CKAP5: variants seen among roughly 807,000 people sequenced by gnomAD.
CKAP5 encodes cytoskeleton associated protein 5, also known as cytoskeleton-associated protein 5.
Under a neutral mutation model 232.8 loss-of-function variants are expected in CKAP5, and 27 were observed. The observed-to-expected ratio is 0.12, with a 90% CI of 0.09 to 0.16. CKAP5 has a LOEUF of 0.16. Ranked by LOEUF, CKAP5 falls within the 10% of genes least tolerant of loss-of-function variation. The pLI is 1.00. For synonymous variants in CKAP5, 785 were observed against 841.1 expected, an observed-to-expected ratio of 0.93 and a Z score of 1.16; for missense variants, 1,838 against 2,424.7, an observed-to-expected ratio of 0.76 and a Z score of 5.08.
At chr11:46,761,256 A>AAG (rs1317119249) in intron 32 of CKAP5, among the ~76,000 whole-genome samples, 12 of 151,594 alleles carry the variant, frequency 7.9e-5, no homozygotes, top group African/African-American at 2.9e-4. Context: ...CTCAAAAAAA[A>AAG]AAAAAAAAAG....
Position 46,816,322 on chromosome 11 carries a change from T to A in CKAP5, c.334A>T (p.Ile112Phe). ...KAKAKELGIE[I>F]CLMYIEIEKG... ...TCAATCTCTATGTACATAAGACAGA[T>A]CTCTATGCCCAGCTCCTTGGCTTTA... The change falls in exon 4 of 44, where the codon ATC (isoleucine) becomes TTC (phenylalanine). Residue 112 changes from isoleucine (I) to phenylalanine (F), a missense_variant. Around this residue, in one of 6 missense-constraint regions of CKAP5, gnomAD observed 285 missense variants for 300.0 expected, o/e 0.95. Transcript: ENST00000529230. The A allele has an allele frequency of 6.2e-7, 1 of 1,614,116 alleles. No individual in the cohort carries two copies. The highest frequency in any genetic ancestry group is 8.5e-7 in the Non-Finnish European group (1 of 1,180,004).
chr11:46,763,625 T>C lies in CKAP5; in HGVS notation c.3543A>G (p.Leu1181=), dbSNP rs1356395563. Residue 1181 remains leucine, a synonymous_variant, in exon 29 of 44, where the codon CTA becomes CTG. Transcript: ENST00000529230. Reference sequence around the variant, plus strand: ...CCCGTGGGGTAGTAAAATTCCACTTTAGCACCTGGAAAAAACAAACGGTGA... The same window carrying C: ...CCCGTGGGGTAGTAAAATTCCACTTCAGCACCTGGAAAAAACAAACGGTGA... The part of the protein sequence containing the change: ...RMKDEKGLKV[L]KWNFTTPRDE... The C allele has an allele frequency of 1.9e-6, 3 of 1,540,862 alleles. No individual in the cohort carries two copies. Among genetic ancestry groups the C allele is most frequent in the African/African-American group, 1.4e-5 (1 of 71,316 alleles).
intron 18 of CKAP5, among the ~76,000 whole-genome samples, chr11:46,782,444 A>C (rs2065352285): frequency 6.6e-6 from 1 of 152,206 alleles, no homozygotes; most frequent in African/African-American, 2.4e-5. Context: ...ATGGGCGAAC[A>C]CCACAGATAA....
chr11:46,761,942 T>G (rs2065158439), intron 32 of CKAP5, 58 bp downstream of exon 32: 2 of 1,420,140 alleles, frequency 1.4e-6, no homozygotes, highest in South Asian at 2.5e-5. Context: ...ACCTAACACC[T>G]AGGAGATCTT....
intron 16 of CKAP5, among the ~76,000 whole-genome samples, chr11:46,785,163 T>C (rs2065379970): frequency 6.6e-6 from 1 of 152,198 alleles, no homozygotes; most frequent in Admixed American, 6.5e-5. Flanking sequence ...TAAAAAGATC[T>C]GTGGAAAATA....
chr11:46,774,427 A>G (rs529453588), intron 24 of CKAP5, among the ~76,000 whole-genome samples: 4 of 152,354 alleles, frequency 2.6e-5, no homozygotes, highest in African/African-American at 9.6e-5. Flanking sequence ...AGTAATTTAT[A>G]GATTCAGTGC....
intron 13 of CKAP5, 57 bp from the exon 14 acceptor site, chr11:46,790,640 TTTTTTA>T: frequency 1.7e-6 from 2 of 1,209,004 alleles, no homozygotes; most frequent in East Asian, 2.5e-5. Context: ...AATAGTGGAG[TTTTTTA>T]TTTTTATTTT....
intron 12 of CKAP5, among the ~76,000 whole-genome samples, 193 bp downstream of exon 12, chr11:46,796,619 C>T (rs1938882721): frequency 6.6e-6 from 1 of 151,954 alleles, no homozygotes. Context: ...AAATTGAAGA[C>T]AAAAAGTACC....
At chr11:46,798,936 C>T (rs1030690666) in intron 9 of CKAP5, among the ~76,000 whole-genome samples, 43 of 152,326 alleles carry the variant, frequency 2.8e-4, no homozygotes, top group Admixed American at 1.6e-3. Flanking sequence ...AAAGTCATTT[C>T]CTTTCATGAA....
At chr11:46,801,337 G>T in intron 8 of CKAP5, 33 bp from the exon 9 acceptor site, 1 of 1,494,624 alleles carries the variant, frequency 6.7e-7, no homozygotes, top group Non-Finnish European at 9.3e-7. Flanking sequence ...AAACAAAATA[G>T]TCACAGCCAT....
Position 46,776,295 on chromosome 11 carries a change from G to A in CKAP5, c.2951C>T (p.Ser984Phe). The change falls in exon 24 of 44, where the codon TCT becomes TTT. Residue 984 changes from serine (S) to phenylalanine (F), a missense_variant. This residue lies in a region of CKAP5 where 767 missense variants were observed against 954.6 expected (regional missense o/e 0.80). Coordinates refer to ENST00000529230, the MANE Select transcript of CKAP5 (RefSeq NM_001008938.4). ...MKEWLEGEDLSEELKKENPFL... is the reference protein window; with the variant it reads ...MKEWLEGEDLFEELKKENPFL... ...AGGATTTTCCTTTTTGAGCTCTTCA[G>A]AAAGATCTTCTCCTTCCAGCCATTC... is the stretch of plus-strand genomic sequence containing the variant. 6.2e-7 allele frequency: 1 copy of A among 1,613,994 alleles called. No individual in the cohort carries two copies. Among genetic ancestry groups the A allele is most frequent in the Non-Finnish European group, 8.5e-7 (1 of 1,179,922 alleles).
chr11:46,823,942 A>AATAT (rs1939598516), intron 1 of CKAP5, among the ~76,000 whole-genome samples: 1 of 152,208 alleles, frequency 6.6e-6, no homozygotes, highest in East Asian at 1.9e-4. Flanking sequence ...TTGTTTATTG[A>AATAT]ATATATACTC....
Position 46,797,851 on chromosome 11 carries a change from G to T in CKAP5, c.1292C>A (p.Thr431Asn). Residue 431 changes from threonine (T) to asparagine (N), a missense_variant, in exon 11 of 44, where the codon ACC becomes AAC. By Grantham distance (65) the Thr-to-Asn change is moderately conservative. Coordinates refer to ENST00000529230, the MANE Select transcript of CKAP5 (RefSeq NM_001008938.4). ...ARSFRHCTASTLPKSLLKPFC... is the reference protein window; with the variant it reads ...ARSFRHCTASNLPKSLLKPFC... ...GGGCTTTAGCAAGCTCTTTGGCAGG[G>T]TAGAAGCAGTGCAGTGGCGGAAACT... is the stretch of plus-strand genomic sequence containing the variant. 1.2e-6 allele frequency: 2 copies of T among 1,614,082 alleles called. No homozygotes were observed. The highest frequency in any genetic ancestry group is 1.7e-6 in the Non-Finnish European group (2 of 1,180,000).
Position 46,831,051 on chromosome 11 carries a change from T to C in CKAP5, c.-37-9783A>G, listed in dbSNP as rs185224199. Among the ~76,000 whole-genome samples the C allele has an allele frequency of 2.8e-3, 421 of 152,132 alleles. 2 individuals carry two copies. The highest frequency in any genetic ancestry group is 9.6e-3 in the African/African-American group (399 of 41,518). On this transcript the variant is annotated intron_variant, in intron 1 of 43. Transcript: ENST00000529230. ...CTGCACTCCAGGCTGGGCAACAAAG[T>C]GAGAATCAGTCTCAAAAAAGAAAAA...
intron 6 of CKAP5, 60 bp from the exon 7 acceptor site, chr11:46,809,560 TATCAGTC>T: frequency 7.1e-7 from 1 of 1,413,852 alleles, no homozygotes; most frequent in Non-Finnish European, 9.9e-7. Flanking sequence ...ACTTATCAGT[TATCAGTC>T]CTTTCACAAC....
intron 24 of CKAP5, 146 bp downstream of exon 24, chr11:46,776,109 A>G (rs2065288938): frequency 8.5e-6 from 5 of 588,162 alleles, no homozygotes; most frequent in Non-Finnish European, 1.3e-5. Flanking sequence ...ACATGAATAC[A>G]AAGGCCCCAG....
Position 46,765,274 on chromosome 11 carries a change from G to T in CKAP5, c.3412-18C>A. 6.3e-7 allele frequency: 1 copy of T among 1,590,372 alleles called. No individual in the cohort carries two copies. Among genetic ancestry groups the T allele is most frequent in the Non-Finnish European group, 8.6e-7 (1 of 1,169,258 alleles). On this transcript the variant is annotated intron_variant, in intron 27 of 43. Coordinates refer to ENST00000529230, the MANE Select transcript of CKAP5 (RefSeq NM_001008938.4). ...TGTGCACTCTACAACCAAGGTTCAG[G>T]GAATACTGATTAGCTTGGCCACTTC...
chr11:46,814,067 G>C (rs1449708947), intron 4 of CKAP5, among the ~76,000 whole-genome samples: 2 of 150,620 alleles, frequency 1.3e-5, no homozygotes, highest in African/African-American at 2.5e-5. Flanking sequence ...CAGGGGCGGA[G>C]GTTGCAGTGA....
chr11:46,781,561 T>G (rs1351485255), intron 18 of CKAP5, among the ~76,000 whole-genome samples: 4 of 152,292 alleles, frequency 2.6e-5, no homozygotes, highest in African/African-American at 9.6e-5. Context: ...AGCTACATTC[T>G]GAAGAAAAGA....
Sources: gnomAD v4.1 joint callset for allele counts (sites outside exome capture counted in the v4.1 genomes callset) on GRCh38, gnomAD v4.1.1 for gene constraint, gnomAD v4.1.1 regional missense constraint, MANE v1.5 for transcripts, NCBI Gene and HGNC (gene_info 2026-07-23, HGNC 2026-07-21) for gene names.